PRR16: variants seen among roughly 807,000 people sequenced by gnomAD.
PRR16 encodes the protein protein Largen.
A neutral mutation model predicts 18.2 loss-of-function variants in PRR16; 6 were observed. The observed-to-expected ratio is 0.33, with a 90% CI of 0.18 to 0.65. The LOEUF is 0.65. PRR16 is among the 30% of genes least tolerant of loss of function. PRR16 has a pLI of 0.74. For synonymous variants in PRR16, 151 were observed against 147.8 expected (o/e 1.02, Z -0.16); for missense variants, 412 against 376.6 (o/e 1.09, Z -0.78).
chr5:120,697,585 G>A, the PRR16 span, among the ~76,000 whole-genome samples: 1 of 152,180 alleles, frequency 6.6e-6, no homozygotes, highest in Non-Finnish European at 1.5e-5. Context: ...AACAGGCTTT[G>A]TGTGAGCAAC....
At chr5:120,544,321 C>T (rs1228779185) in intron 1 of PRR16, among the ~76,000 whole-genome samples, 1 of 152,122 alleles carries the variant, frequency 6.6e-6, no homozygotes, top group Non-Finnish European at 1.5e-5. Context: ...AATGTTAGCA[C>T]ATAATTTTAT....
intron 1 of PRR16, among the ~76,000 whole-genome samples, chr5:120,622,033 G>T (rs1231899099): frequency 6.6e-6 from 1 of 152,100 alleles, no homozygotes; most frequent in Non-Finnish European, 1.5e-5. Context: ...CCGTTCATGT[G>T]CATCTCTCCC....
At chr5:120,468,607 CA>C (rs1252331530) in intron 1 of PRR16, among the ~76,000 whole-genome samples, 1 of 152,176 alleles carries the variant, frequency 6.6e-6, no homozygotes, top group African/African-American at 2.4e-5. Flanking sequence ...AAATAGTTCT[CA>C]AATAATCTAA....
the PRR16 span, among the ~76,000 whole-genome samples, chr5:120,705,231 A>G: frequency 1.3e-5 from 2 of 152,142 alleles, no homozygotes; most frequent in Non-Finnish European, 2.9e-5. Context: ...TATGTTAATT[A>G]TATGAAAATT....
At chr5:120,629,207 A>G (rs542298704) in intron 1 of PRR16, among the ~76,000 whole-genome samples, 6 of 152,238 alleles carry the variant, frequency 3.9e-5, no homozygotes, top group South Asian at 4.1e-4. Flanking sequence ...TTTGCAAAGG[A>G]CATGATTTTA....
intron 1 of PRR16, among the ~76,000 whole-genome samples, chr5:120,493,951 G>A (rs1379864115): frequency 6.6e-6 from 1 of 152,022 alleles, no homozygotes; most frequent in Non-Finnish European, 1.5e-5. Context: ...GGACATTTGG[G>A]TTGTTTCTGG....
chr5:120,786,237 C>A, the PRR16 span, among the ~76,000 whole-genome samples: 2 of 151,272 alleles, frequency 1.3e-5, no homozygotes, highest in African/African-American at 4.8e-5. Context: ...AAAACATATT[C>A]TTCTTTTCCA....
chr5:120,786,792 T>A, the PRR16 span, among the ~76,000 whole-genome samples: 1 of 152,064 alleles, frequency 6.6e-6, no homozygotes, highest in Non-Finnish European at 1.5e-5. Context: ...ATAGAAATGT[T>A]CTCAGTCACT....
chr5:120,691,762 A>AG (rs1757212026), downstream of PRR16, among the ~76,000 whole-genome samples: 1 of 152,176 alleles, frequency 6.6e-6, no homozygotes, highest in Non-Finnish European at 1.5e-5. Context: ...AACCAATCAA[A>AG]GGGATTTTAG....
intron 1 of PRR16, among the ~76,000 whole-genome samples, chr5:120,541,688 A>T (rs1265733124): frequency 6.6e-6 from 1 of 152,108 alleles, no homozygotes; most frequent in African/African-American, 2.4e-5. Flanking sequence ...TTATACTTTC[A>T]TTTCTGCCTT....
At chr5:120,674,676 G>T (rs1756734776) in intron 1 of PRR16, among the ~76,000 whole-genome samples, 1 of 151,946 alleles carries the variant, frequency 6.6e-6, no homozygotes. Context: ...TGTCAACCAT[G>T]AAATTTTTAT....
At chr5:120,529,502 C>T (rs547896937) in intron 1 of PRR16, among the ~76,000 whole-genome samples, 1 of 152,146 alleles carries the variant, frequency 6.6e-6, no homozygotes, top group South Asian at 2.1e-4. Context: ...ACAACGAGCA[C>T]ACTACATAAC....
chr5:120,759,405 A>C, the PRR16 span, among the ~76,000 whole-genome samples: 1 of 152,154 alleles, frequency 6.6e-6, no homozygotes, highest in Non-Finnish European at 1.5e-5. Flanking sequence ...AAACATATAA[A>C]GAACTCTTAA....
the PRR16 span, among the ~76,000 whole-genome samples, chr5:120,785,861 G>A: frequency 3.3e-5 from 5 of 151,458 alleles, no homozygotes; most frequent in East Asian, 3.9e-4. Flanking sequence ...GAGCTACCGC[G>A]CCTGGCCTAG....
At chr5:120,675,797 T>C (rs1410437036) in intron 1 of PRR16, among the ~76,000 whole-genome samples, 1 of 152,072 alleles carries the variant, frequency 6.6e-6, no homozygotes, top group Non-Finnish European at 1.5e-5. Context: ...CACAGAAAAA[T>C]AAGACAAACT....
the PRR16 span, among the ~76,000 whole-genome samples, chr5:120,749,661 ATAAT>A: frequency 2.6e-5 from 4 of 152,280 alleles, no homozygotes; most frequent in African/African-American, 9.6e-5. Context: ...ATAATGCAAA[ATAAT>A]TAATACCAAA....
At chr5:120,652,461 G>A (rs1393077320) in intron 1 of PRR16, among the ~76,000 whole-genome samples, 4 of 151,974 alleles carry the variant, frequency 2.6e-5, no homozygotes, top group Non-Finnish European at 4.4e-5. Context: ...CTACCTGAAG[G>A]CAAGTGGACC....
chr5:120,476,253 A>G (rs1346773736), intron 1 of PRR16, among the ~76,000 whole-genome samples: 1 of 152,122 alleles, frequency 6.6e-6, no homozygotes, highest in Non-Finnish European at 1.5e-5. Flanking sequence ...CCAGCCTGAC[A>G]TCCAGTGGTC....
At chr5:120,489,505 G>A (rs1316693006) in intron 1 of PRR16, among the ~76,000 whole-genome samples, 1 of 151,974 alleles carries the variant, frequency 6.6e-6, no homozygotes, top group Non-Finnish European at 1.5e-5. Context: ...CATTTGCTTG[G>A]TAGACCTTCC....
Sources: allele counts gnomAD v4.1 joint callset (sites outside exome capture counted in the v4.1 genomes callset), GRCh38; gene constraint gnomAD v4.1.1; transcripts MANE v1.5; gene names NCBI Gene and HGNC (gene_info 2026-07-23, HGNC 2026-07-21).